Variants in MAP3K19 observed in about 807,000 individuals in gnomAD.
MAP3K19 encodes SPS1/STE20-related protein kinase YSK4.
MAP3K19 carries 91 observed loss-of-function variants against 114.4 expected under a neutral mutation model. That is an observed-to-expected ratio of 0.80 (90% CI 0.67 to 0.95). The LOEUF is 0.95. Among genes scored for constraint, MAP3K19 ranks in the 40% least tolerant of loss-of-function variants. The pLI is 0.00. For synonymous variants in MAP3K19, 518 were observed against 530.5 expected (o/e 0.98, Z 0.32); for missense variants, 1,471 against 1,573.2 (o/e 0.94, Z 1.10).
intron 10 of MAP3K19, among the ~76,000 whole-genome samples, chr2:134,984,746 T>C (rs1293271123): frequency 2.6e-5 from 4 of 151,988 alleles, no homozygotes; most frequent in African/African-American, 9.7e-5. Context: ...AGGTCAGGAG[T>C]TCCAAGACCA....
At position 134,980,976 on chromosome 2, in the gene MAP3K19, A is replaced by G. The variant is rs961350548; in HGVS notation, c.3765T>C (p.Cys1255=). The G allele has an allele frequency of 3.7e-6, 6 of 1,614,062 alleles. No individual in the cohort carries two copies. The African/African-American group carries it at 8.0e-5, about 22-fold the overall frequency. The change falls in exon 12 of 13, where the codon TGT becomes TGC. Residue 1255 remains cysteine, a synonymous_variant. Transcript: ENST00000392915. The stretch of plus-strand genomic sequence containing the variant: ...TCCCTGTAGCCATCTCAAACACAGT[A>G]CAACCAATGCTCCAGATATCTGATT... ...GRKSDIWSIG[C]TVFEMATGKP... is the part of the protein sequence containing the mutation.
At chr2:134,965,417 T>C (rs1683264720) in intron 12 of MAP3K19, among the ~76,000 whole-genome samples, 1 of 152,232 alleles carries the variant, frequency 6.6e-6, no homozygotes, top group African/African-American at 2.4e-5. Context: ...TGGATTAACG[T>C]AAGATAGAGG....
intron 8 of MAP3K19, among the ~76,000 whole-genome samples, chr2:134,992,763 G>C (rs969413761): frequency 7.9e-5 from 12 of 151,882 alleles, no homozygotes. Flanking sequence ...TCCACCTCCT[G>C]GGTTCAAGCA....
At position 135,046,985 on chromosome 2, in the gene MAP3K19, G is replaced by A. The variant is rs77897790; in HGVS notation, c.-424+200C>T. Among the ~76,000 whole-genome samples, 66 of 152,318 alleles carry A rather than the reference G, an allele frequency of 4.3e-4. No individual in the cohort carries two copies. In the East Asian group the frequency reaches 9.4e-3, roughly 22 times the overall value. ...CTATGGTCTAGAGGTGCCTGCATAA[G>A]TATTGGAGGAAATCGTCACAATATT... On this transcript the variant is annotated intron_variant, in intron 1 of 12. Transcript: ENST00000392915.
intron 5 of MAP3K19, among the ~76,000 whole-genome samples, chr2:135,015,200 A>G (rs1390048854): frequency 1.3e-5 from 2 of 152,232 alleles, no homozygotes; most frequent in African/African-American, 4.8e-5. Context: ...CATCCTTGTC[A>G]ACACTTGATA....
At chr2:134,983,980 A>G (rs562442667) in intron 10 of MAP3K19, among the ~76,000 whole-genome samples, 155 bp from the exon 11 acceptor site, 3 of 152,348 alleles carry the variant, frequency 2.0e-5, no homozygotes, top group African/African-American at 4.8e-5. Context: ...AAATGACCAC[A>G]TAGTGTATCT....
chr2:135,007,768 C>G (rs1220947041), intron 5 of MAP3K19, among the ~76,000 whole-genome samples: 2 of 152,186 alleles, frequency 1.3e-5, no homozygotes, highest in Non-Finnish European at 2.9e-5. Context: ...TTAACCTTCT[C>G]TGTATTTCAA....
chr2:134,976,747 TAA>T lies in MAP3K19; in HGVS notation c.3920+4072_3920+4073del, dbSNP rs10717366. 1.7e-3 allele frequency among the ~76,000 whole-genome samples: 243 copies of T among 143,698 alleles called. 1 individual carries two copies. The highest frequency in any genetic ancestry group is 4.8e-3 in the African/African-American group (189 of 39,304). The allele number at this position is 143,698 out of a possible 152,430, so 94.3% of individuals were successfully genotyped here. On this transcript the variant is annotated intron_variant, in intron 12 of 12. Coordinates refer to ENST00000392915, the MANE Select transcript of MAP3K19 (RefSeq NM_025052.5). ...ATTATATTTTGTGTCATTTCAAAAG[TAA>T]AAAAAAAAAAAATACAGCAAGGCAC... is the stretch of plus-strand genomic sequence containing the variant.
At chr2:134,970,198 C>A (rs904943377) in intron 12 of MAP3K19, among the ~76,000 whole-genome samples, 2 of 152,072 alleles carry the variant, frequency 1.3e-5, no homozygotes, top group Non-Finnish European at 2.9e-5. Flanking sequence ...GCATTGAATC[C>A]ATAAATAACT....
At chr2:134,996,271 C>CTTTTT (rs61265758) in intron 8 of MAP3K19, among the ~76,000 whole-genome samples, 5 of 125,774 alleles carry the variant, frequency 4.0e-5, no homozygotes, top group Admixed American at 8.1e-5. Context: ...CTTCTTATTT[C>CTTTTT]TTTTTTTTTT....
intron 9 of MAP3K19, among the ~76,000 whole-genome samples, chr2:134,988,966 A>G (rs1458937888): frequency 6.6e-6 from 1 of 152,208 alleles, no homozygotes; most frequent in Non-Finnish European, 1.5e-5. Flanking sequence ...AAAAATTACC[A>G]GTTATTGACT....
chr2:134,982,527 T>C (rs1684779702), intron 11 of MAP3K19, among the ~76,000 whole-genome samples: 1 of 151,948 alleles, frequency 6.6e-6, no homozygotes, highest in Non-Finnish European at 1.5e-5. Context: ...ATTTTTGTAT[T>C]TTTAGTAGAG....
Position 135,005,504 on chromosome 2 carries a change from G to A in MAP3K19, c.166C>T (p.His56Tyr), listed in dbSNP as rs2105314527. The change falls in exon 6 of 13, where the codon CAT (histidine) becomes TAT (tyrosine). Residue 56 changes from histidine (H) to tyrosine (Y), a missense_variant. By Grantham distance (83) the His-to-Tyr change is moderately conservative. Coordinates refer to ENST00000392915, the MANE Select transcript of MAP3K19 (RefSeq NM_025052.5). ...EEFDQDGDCSHSTLVNEEEDP... is the reference protein window; with the variant it reads ...EEFDQDGDCSYSTLVNEEEDP... ...TCTTCTTCATTAACCAGTGTGGAAT[G>A]ACTGCAGTCACCATCTTGGTCGAAC... is the stretch of plus-strand genomic sequence containing the variant. 1 of 1,614,024 alleles carries A rather than the reference G, an allele frequency of 6.2e-7. No homozygotes were observed. Among genetic ancestry groups the A allele is most frequent in the Non-Finnish European group, 8.5e-7 (1 of 1,179,924 alleles).
At chr2:135,007,034 C>T (rs1189870995) in intron 5 of MAP3K19, among the ~76,000 whole-genome samples, 3 of 151,750 alleles carry the variant, frequency 2.0e-5, no homozygotes, top group Non-Finnish European at 2.9e-5. Context: ...CATGGTGGCA[C>T]GTGCCTGTAG....
At chr2:135,018,073 C>T (rs1302307168) in intron 5 of MAP3K19, among the ~76,000 whole-genome samples, 1 of 152,094 alleles carries the variant, frequency 6.6e-6, no homozygotes, top group Non-Finnish European at 1.5e-5. Context: ...AGGCAGATCA[C>T]CTCAGGTCGA....
At chr2:135,000,488 TCACAATA>T (rs1686362372) in intron 6 of MAP3K19, among the ~76,000 whole-genome samples, 1 of 152,242 alleles carries the variant, frequency 6.6e-6, no homozygotes, top group Admixed American at 6.5e-5. Context: ...ACGCGCTTGC[TCACAATA>T]TAAGATGTTA....
At position 134,986,360 on chromosome 2, in the gene MAP3K19, G is replaced by T. The variant is rs1163604189; in HGVS notation, c.2512C>A (p.Gln838Lys). 6.2e-7 allele frequency: 1 copy of T among 1,613,702 alleles called. No homozygotes were observed. The highest frequency in any genetic ancestry group is 8.5e-7 in the Non-Finnish European group (1 of 1,179,912). ...TGGTGATGTAGCTCTTCAAGTTCTT[G>T]CAGATCTCTGAGGCTTGTGGTGAGT... Reference protein sequence around the residue: ...QILTTSLRDLQELEELHHQIP... With the variant: ...QILTTSLRDLKELEELHHQIP... Residue 838 changes from glutamine to lysine, a missense_variant, in exon 10 of 13, where the codon CAA becomes AAA. Gln to Lys is a moderately conservative substitution (Grantham distance 53, BLOSUM62 1). Coordinates refer to ENST00000392915, the MANE Select transcript of MAP3K19 (RefSeq NM_025052.5).
At chr2:135,015,341 T>C (rs1192350312) in intron 5 of MAP3K19, among the ~76,000 whole-genome samples, 1 of 152,044 alleles carries the variant, frequency 6.6e-6, no homozygotes, top group African/African-American at 2.4e-5. Context: ...TTTAGACATC[T>C]TTTTTTTGCT....
chr2:135,019,411 T>C (rs1192707902), intron 5 of MAP3K19, among the ~76,000 whole-genome samples: 1 of 152,176 alleles, frequency 6.6e-6, no homozygotes, highest in Non-Finnish European at 1.5e-5. Context: ...AATTAGAAAA[T>C]GGCAATGGTG....
Sources: gnomAD v4.1 joint callset for allele counts (sites outside exome capture counted in the v4.1 genomes callset) on GRCh38, gnomAD v4.1.1 for gene constraint, MANE v1.5 for transcripts, NCBI Gene and HGNC (gene_info 2026-07-23, HGNC 2026-07-21) for gene names.